Variants in PCDH11X observed in about 807,000 individuals in gnomAD.
The protein encoded by PCDH11X is protocadherin 11 X-linked.
Under a neutral mutation model 53.3 loss-of-function variants are expected in PCDH11X, and 18 were observed. That is an observed-to-expected ratio of 0.34 (90% CI 0.23 to 0.50). The LOEUF is 0.50. Ranked by LOEUF, PCDH11X falls within the 20% of genes least tolerant of loss-of-function variation. The pLI is 0.98. For missense variants in PCDH11X, 570 were observed against 1,032.4 expected, an observed-to-expected ratio of 0.55 and a Z score of 6.14; for synonymous variants, 279 against 393.3, an observed-to-expected ratio of 0.71 and a Z score of 3.44.
chrX:91,860,121 T>C (rs1271864626), intron 5 of PCDH11X, among the ~76,000 whole-genome samples: 10 of 110,022 alleles, frequency 9.1e-5, no homozygotes, highest in African/African-American at 3.0e-4. Flanking sequence ...TTCCATTTGT[T>C]TGTGTCCTCT....
chrX:92,356,856 C>T (rs767879213), intron 8 of PCDH11X, among the ~76,000 whole-genome samples: 3 of 108,857 alleles, frequency 2.8e-5, no homozygotes, highest in African/African-American at 1.0e-4. Context: ...ACAGCAATTG[C>T]TATTTTCCAG....
chrX:92,022,214 A>G (rs1376283624), intron 6 of PCDH11X, among the ~76,000 whole-genome samples: 2 of 108,792 alleles, frequency 1.8e-5, no homozygotes, highest in Admixed American at 2.0e-4. Context: ...CAATTAAAAG[A>G]CACAGACTGG....
intron 6 of PCDH11X, among the ~76,000 whole-genome samples, chrX:92,124,037 C>T (rs1253552586): frequency 1.8e-5 from 2 of 111,551 alleles, no homozygotes; most frequent in Non-Finnish European, 3.8e-5. Context: ...GACACTGCCA[C>T]ACCCACCATA....
Position 91,879,048 on chromosome X carries a change from C to T in PCDH11X, c.2808C>T (p.Ala936=), listed in dbSNP as rs1326776266. 1.7e-6 allele frequency: 2 copies of T among 1,208,973 alleles called. No individual in the cohort carries two copies. The highest frequency in any genetic ancestry group is 2.2e-6 in the Non-Finnish European group (2 of 895,028). ...TCAAGCCCGACAGCCCTGATTTGGC[C>T]CGACACTACAAATCTGCCTCTCCAC... ...TTFKPDSPDL[A]RHYKSASPQP... The change falls in exon 6 of 11, where the codon GCC becomes GCT. Residue 936 remains alanine (A), a synonymous_variant. Transcript: ENST00000682573.
intron 6 of PCDH11X, among the ~76,000 whole-genome samples, chrX:92,025,963 G>T (rs1479702763): frequency 1.8e-5 from 2 of 110,661 alleles, no homozygotes; most frequent in African/African-American, 6.6e-5. Flanking sequence ...ACCAAATATC[G>T]CGTGTTCTCA....
intron 10 of PCDH11X, among the ~76,000 whole-genome samples, chrX:92,498,308 A>C (rs1399418441): frequency 9.1e-6 from 1 of 110,335 alleles, no homozygotes; most frequent in Non-Finnish European, 1.9e-5. Flanking sequence ...TATAATGGTA[A>C]CTTGCAAAGT....
At chrX:91,828,948 C>G (rs1351132757) in intron 4 of PCDH11X, among the ~76,000 whole-genome samples, 1 of 110,054 alleles carries the variant, frequency 9.1e-6, no homozygotes, top group Non-Finnish European at 1.9e-5. Flanking sequence ...GATTCTAGTG[C>G]TATATCTCAT....
chrX:92,530,889 CA>C (rs1255812674), intron 10 of PCDH11X, among the ~76,000 whole-genome samples: 13 of 73,430 alleles, frequency 1.8e-4, no homozygotes, highest in Non-Finnish European at 3.1e-4. Context: ...TATTGGTGGC[CA>C]ATATAGAATG....
At chrX:91,872,469 C>G (rs192039328) in intron 5 of PCDH11X, among the ~76,000 whole-genome samples, 1 of 110,753 alleles carries the variant, frequency 9.0e-6, no homozygotes, top group East Asian at 2.8e-4. Context: ...ATTTATCTAA[C>G]AAATGTTTTC....
intron 10 of PCDH11X, among the ~76,000 whole-genome samples, chrX:92,552,740 A>G (rs1358452924): frequency 9.0e-6 from 1 of 110,892 alleles, no homozygotes; most frequent in Non-Finnish European, 1.9e-5. Context: ...TTTTTTAATC[A>G]TAAAGGAATG....
At chrX:91,998,434 A>G (rs1466036661) in intron 6 of PCDH11X, among the ~76,000 whole-genome samples, 3 of 109,631 alleles carry the variant, frequency 2.7e-5, no homozygotes, top group African/African-American at 1.0e-4. Flanking sequence ...TTGTTTTCTT[A>G]GTCTAGCTAA....
chrX:92,412,370 T>C (rs1351765177), intron 9 of PCDH11X, among the ~76,000 whole-genome samples: 1 of 107,583 alleles, frequency 9.3e-6, no homozygotes, highest in East Asian at 2.9e-4. Context: ...ATACCAGAAA[T>C]GGCAACTTTA....
At chrX:91,957,635 T>C (rs774772365) in intron 6 of PCDH11X, among the ~76,000 whole-genome samples, 29 of 111,095 alleles carry the variant, frequency 2.6e-4, no homozygotes, top group Non-Finnish European at 5.1e-4. Flanking sequence ...GCCAGATCCT[T>C]CCTCTGGAAG....
chrX:92,149,487 G>GTA (rs201866727), intron 6 of PCDH11X, among the ~76,000 whole-genome samples: 54 of 102,682 alleles, frequency 5.3e-4, no homozygotes, highest in African/African-American at 9.8e-4. Flanking sequence ...ATGTGTGTGT[G>GTA]TATATATATA....
At chrX:92,603,104 G>C (rs1426513051) in intron 10 of PCDH11X, among the ~76,000 whole-genome samples, 1 of 106,543 alleles carries the variant, frequency 9.4e-6, no homozygotes, top group African/African-American at 3.5e-5. Context: ...GGAAACTCTG[G>C]AGTTGAAAAG....
chrX:91,840,571 G>A (rs1488732450), intron 5 of PCDH11X, among the ~76,000 whole-genome samples: 1 of 111,404 alleles, frequency 9.0e-6, no homozygotes, highest in Non-Finnish European at 1.9e-5. Flanking sequence ...TGAAACTAAG[G>A]TTAGAATTAG....
chrX:92,522,396 G>A (rs908213075), intron 10 of PCDH11X, among the ~76,000 whole-genome samples: 3 of 111,320 alleles, frequency 2.7e-5, no homozygotes, highest in African/African-American at 9.8e-5. Flanking sequence ...CTCTTATCTA[G>A]GCCTGGTTTG....
At chrX:92,518,067 T>G (rs187858038) in intron 10 of PCDH11X, among the ~76,000 whole-genome samples, 2 of 106,381 alleles carry the variant, frequency 1.9e-5, no homozygotes, top group African/African-American at 6.6e-5. Context: ...ATTTCTCTTT[T>G]TTTATTGGTT....
Position 92,114,309 on chromosome X carries a change from A to T in PCDH11X, c.3034-87066A>T. On this transcript the variant is annotated intron_variant, in intron 6 of 10. Transcript: ENST00000682573. ...GCTGGATGGCAGAGGGCTTCTCAAA[A>T]CCATAGGCATAGATGTCACGGAGAA... 4.3e-6 allele frequency: 4 copies of T among 922,908 alleles called. No individual in the cohort carries two copies. In the South Asian group the frequency reaches 7.9e-5, roughly 18 times the overall value. 76.1% of individuals were successfully genotyped at this position (922,908 alleles called of 1,213,427 possible). A position where few individuals can be genotyped will look rare whatever the true frequency, so the allele number is the denominator to read the frequency against.
Sources: gnomAD v4.1 joint callset for allele counts (sites outside exome capture counted in the v4.1 genomes callset) on GRCh38, gnomAD v4.1.1 for gene constraint, MANE v1.5 for transcripts, NCBI Gene and HGNC (gene_info 2026-07-23, HGNC 2026-07-21) for gene names.